EBAG9: variants seen among roughly 807,000 people sequenced by gnomAD.
EBAG9 encodes receptor-binding cancer antigen expressed on SiSo cells.
Under a neutral mutation model 30.9 loss-of-function variants are expected in EBAG9, and 16 were observed. That is an observed-to-expected ratio of 0.52 (90% CI 0.35 to 0.79). The LOEUF (loss-of-function observed/expected upper bound fraction) is 0.79, where lower values mean the gene tolerates loss of function less well. EBAG9 is among the 30% of genes least tolerant of loss of function. The probability of loss-of-function intolerance (pLI) is 0.01; values close to 1 mark genes in which losing one functional copy is unlikely to be tolerated. For synonymous variants in EBAG9, 93 were observed against 82.8 expected, an observed-to-expected ratio of 1.12 and a Z score of -0.67; for missense variants, 197 against 242.1, an observed-to-expected ratio of 0.81 and a Z score of 1.24.
At chr8:109,552,624 G>A (rs1821516708) in intron 2 of EBAG9, among the ~76,000 whole-genome samples, 1 of 151,980 alleles carries the variant, frequency 6.6e-6, no homozygotes, top group Non-Finnish European at 1.5e-5. Context: ...TTACTTCTAG[G>A]ATAAGAAATT....
chr8:109,563,953 G>A lies in EBAG9; in HGVS notation c.522-486G>A, dbSNP rs540505920. On this transcript the variant is annotated intron_variant, in intron 6 of 6. Coordinates refer to ENST00000337573, the MANE Select transcript of EBAG9 (RefSeq NM_004215.5). ...TAAGTTTCCATTTTCTTTTTGGAGC[G>A]TGTGTTCTGTTCAGCTGTGTTCATC... 7.9e-5 allele frequency among the ~76,000 whole-genome samples: 12 copies of A among 152,086 alleles called. No individual in the cohort carries two copies. In the South Asian group the frequency reaches 8.3e-4, roughly 11 times the overall value.
At chr8:109,563,679 T>C (rs1024014795) in intron 6 of EBAG9, 23 of 873,650 alleles carry the variant, frequency 2.6e-5, no homozygotes, top group Non-Finnish European at 3.7e-5. Flanking sequence ...CGTACAGATA[T>C]TTCATCAGCC....
chr8:109,560,738 G>T, intron 5 of EBAG9, 100 bp from the exon 6 acceptor site: 1 of 781,576 alleles, frequency 1.3e-6, no homozygotes, highest in South Asian at 1.7e-5. Flanking sequence ...ATAGGAGAAT[G>T]ACAGGTTCTG....
chr8:109,543,895 TG>T (rs1382625247), intron 1 of EBAG9, among the ~76,000 whole-genome samples: 3 of 152,036 alleles, frequency 2.0e-5, no homozygotes, highest in Non-Finnish European at 4.4e-5. Context: ...GCGGGTGTGG[TG>T]GCATGTGCCA....
intron 1 of EBAG9, among the ~76,000 whole-genome samples, chr8:109,548,880 CTTTTTTCTTTTTTT>C (rs1821437382): frequency 7.3e-6 from 1 of 136,452 alleles, no homozygotes; most frequent in South Asian, 2.2e-4. Flanking sequence ...CTATTTTTTT[CTTTTTTCTTTTTTT>C]TTTTTTTTTT....
At chr8:109,564,374 C>A in intron 6 of EBAG9, 65 bp from the exon 7 acceptor site, 11 of 1,574,360 alleles carry the variant, frequency 7.0e-6, no homozygotes, top group African/African-American at 1.4e-5. Context: ...CTATTTCTTT[C>A]TAGAATTTAT....
chr8:109,559,556 A>G (rs1167862089), intron 5 of EBAG9, among the ~76,000 whole-genome samples: 4 of 152,178 alleles, frequency 2.6e-5, no homozygotes, highest in African/African-American at 7.2e-5. Context: ...TCACACTTGT[A>G]ATCCCAGCAA....
At chr8:109,562,035 A>G (rs560370975) in intron 6 of EBAG9, among the ~76,000 whole-genome samples, 160 of 152,126 alleles carry the variant, frequency 1.1e-3, no homozygotes, top group Admixed American at 1.2e-3. Flanking sequence ...ATTGTGAACT[A>G]TAACACTTAG....
At chr8:109,541,739 T>G (rs1821279953) in intron 1 of EBAG9, among the ~76,000 whole-genome samples, 1 of 152,050 alleles carries the variant, frequency 6.6e-6, no homozygotes, top group Admixed American at 6.5e-5. Flanking sequence ...CCATGCGGAG[T>G]TGGTAGTATT....
At chr8:109,547,034 A>ATT (rs111313500) in intron 1 of EBAG9, among the ~76,000 whole-genome samples, 7 of 149,892 alleles carry the variant, frequency 4.7e-5, no homozygotes, top group African/African-American at 1.5e-4. Flanking sequence ...ATTTATTTCA[A>ATT]TTTTTTTTTT....
chr8:109,553,639 C>A (rs1821537421), intron 2 of EBAG9, among the ~76,000 whole-genome samples: 1 of 152,026 alleles, frequency 6.6e-6, no homozygotes, highest in African/African-American at 2.4e-5. Flanking sequence ...GAGTCCTAAG[C>A]CAAAAAGCAG....
At chr8:109,555,345 G>GAT (rs1170061890) in intron 4 of EBAG9, among the ~76,000 whole-genome samples, 1 of 152,008 alleles carries the variant, frequency 6.6e-6, no homozygotes, top group African/African-American at 2.4e-5. Context: ...AGTATTCTAT[G>GAT]GTGTATATGT....
intron 1 of EBAG9, among the ~76,000 whole-genome samples, chr8:109,544,863 CAACTTT>C (rs1260267577): frequency 6.6e-6 from 1 of 151,948 alleles, no homozygotes; most frequent in Middle Eastern, 3.2e-3. Flanking sequence ...CTTAAGTTTT[CAACTTT>C]AACTTGTGCC....
At chr8:109,546,548 G>A (rs546942356) in intron 1 of EBAG9, among the ~76,000 whole-genome samples, 1 of 152,208 alleles carries the variant, frequency 6.6e-6, no homozygotes, top group Non-Finnish European at 1.5e-5. Flanking sequence ...TCTGCTGCCT[G>A]TGGGCCTCAT....
At chr8:109,549,546 T>A (rs1309083054) in intron 1 of EBAG9, among the ~76,000 whole-genome samples, 1 of 152,038 alleles carries the variant, frequency 6.6e-6, no homozygotes, top group Non-Finnish European at 1.5e-5. Flanking sequence ...ATAATTTCTT[T>A]AATAGATATA....
At chr8:109,563,006 A>AT (rs1821740769) in intron 6 of EBAG9, among the ~76,000 whole-genome samples, 1 of 151,684 alleles carries the variant, frequency 6.6e-6, no homozygotes. Context: ...GCCCTTTATA[A>AT]TTTTTTCTCT....
At chr8:109,546,527 A>G (rs1821387955) in intron 1 of EBAG9, among the ~76,000 whole-genome samples, 1 of 152,216 alleles carries the variant, frequency 6.6e-6, no homozygotes. Flanking sequence ...TTCTCGAGCA[A>G]CCTTGTCCAG....
chr8:109,540,612 C>T (rs1351491170), intron 1 of EBAG9, 151 bp downstream of exon 1: 2 of 152,240 alleles, frequency 1.3e-5, no homozygotes, highest in East Asian at 1.9e-4. Context: ...GGGCCTGACT[C>T]TCGGTTGCCA....
intron 1 of EBAG9, among the ~76,000 whole-genome samples, chr8:109,543,841 G>A (rs1361848459): frequency 1.3e-5 from 2 of 152,046 alleles, no homozygotes; most frequent in Admixed American, 6.5e-5. Context: ...GACCAGCCTA[G>A]CCAACATGGC....
Sources: allele counts gnomAD v4.1 joint callset (sites outside exome capture counted in the v4.1 genomes callset), GRCh38; gene constraint gnomAD v4.1.1; transcripts MANE v1.5; gene names NCBI Gene and HGNC (gene_info 2026-07-23, HGNC 2026-07-21).